TAFA4: variants seen among roughly 807,000 people sequenced by gnomAD.
TAFA4 encodes the protein chemokine-like protein TAFA-4.
TAFA4 carries 20 observed loss-of-function variants against 21.1 expected under a neutral mutation model. That is an observed-to-expected ratio of 0.95 (90% CI 0.67 to 1.38). The LOEUF is 1.38. TAFA4 is among the 40% of genes most tolerant of loss of function. TAFA4 has a pLI of 0.00. For synonymous variants in TAFA4, 71 were observed against 67.4 expected, an observed-to-expected ratio of 1.05 and a Z score of -0.26; for missense variants, 211 against 180.9, an observed-to-expected ratio of 1.17 and a Z score of -0.95.
Position 68,733,033 on chromosome 3 carries a change from G to A in TAFA4, c.*109C>T. The A allele has an allele frequency of 6.9e-7, 1 of 1,443,102 alleles. No individual in the cohort carries two copies. Among genetic ancestry groups the A allele is most frequent in the Admixed American group, 1.8e-5 (1 of 55,258 alleles). The allele number at this position is 1,443,102 out of a possible 1,614,324, so 89.4% of individuals were successfully genotyped here. On this transcript the variant is annotated 3_prime_UTR_variant, in exon 6 of 6. Transcript: ENST00000295569. ...CACAGCTCACATATACAAATATGAAGTTGCTGAAATCCTAGACAATTTTCT... is the reference window on the plus strand; with the variant it reads ...CACAGCTCACATATACAAATATGAAATTGCTGAAATCCTAGACAATTTTCT...
intron 1 of TAFA4, among the ~76,000 whole-genome samples, chr3:68,906,421 C>T (rs528915356): frequency 3.9e-5 from 6 of 152,154 alleles, no homozygotes; most frequent in Non-Finnish European, 7.4e-5. Flanking sequence ...TTAGCACTAA[C>T]GATGTACCAA....
chr3:68,914,131 A>T (rs1235868418), intron 1 of TAFA4, among the ~76,000 whole-genome samples: 2 of 152,240 alleles, frequency 1.3e-5, no homozygotes, highest in East Asian at 1.9e-4. Context: ...TGAAAAAAAT[A>T]GATGTTCAAC....
intron 1 of TAFA4, among the ~76,000 whole-genome samples, chr3:68,920,859 T>C (rs1281987698): frequency 2.0e-5 from 3 of 152,128 alleles, no homozygotes; most frequent in African/African-American, 7.2e-5. Context: ...TAAAAGCAGA[T>C]ATTGTTCTTA....
intron 3 of TAFA4, among the ~76,000 whole-genome samples, chr3:68,858,036 G>A (rs894831891): frequency 2.0e-5 from 3 of 152,066 alleles, no homozygotes; most frequent in African/African-American, 7.2e-5. Context: ...GAGTGGCCCT[G>A]CTTTTCCTCC....
intron 1 of TAFA4, among the ~76,000 whole-genome samples, chr3:68,890,294 T>C (rs1222595227): frequency 6.6e-6 from 1 of 152,216 alleles, no homozygotes; most frequent in African/African-American, 2.4e-5. Flanking sequence ...TGGGAATTCT[T>C]TGTACTCTTC....
chr3:68,817,178 C>T (rs1703998631), intron 3 of TAFA4, among the ~76,000 whole-genome samples: 1 of 152,186 alleles, frequency 6.6e-6, no homozygotes, highest in Non-Finnish European at 1.5e-5. Flanking sequence ...ATACTAAATC[C>T]TTTATTGTCA....
At chr3:68,767,626 A>C (rs1702880235) in intron 3 of TAFA4, among the ~76,000 whole-genome samples, 1 of 152,038 alleles carries the variant, frequency 6.6e-6, no homozygotes, top group Non-Finnish European at 1.5e-5. Context: ...TGAACAGTGG[A>C]ATTTGGGACA....
intron 3 of TAFA4, among the ~76,000 whole-genome samples, chr3:68,856,333 T>G (rs138855020): frequency 1.3e-5 from 2 of 152,170 alleles, no homozygotes; most frequent in Non-Finnish European, 2.9e-5. Context: ...ATTTGTGTCA[T>G]TTTTAAATTA....
intron 5 of TAFA4, among the ~76,000 whole-genome samples, chr3:68,734,787 G>A (rs926302935): frequency 2.6e-5 from 4 of 152,054 alleles, no homozygotes; most frequent in African/African-American, 9.7e-5. Context: ...ACAGCCCAGT[G>A]GTTGACACAT....
Position 68,745,073 on chromosome 3 carries a change from A to G in TAFA4, c.287-5874T>C, listed in dbSNP as rs186390196. ...CTCAGAAATGACAGACGTAGAAGGA[A>G]ACACCACAATAATCAAAAGACACAT... is the stretch of plus-strand genomic sequence containing the variant. On this transcript the variant is annotated intron_variant, in intron 4 of 5. Transcript: ENST00000295569. 1.6e-4 allele frequency among the ~76,000 whole-genome samples: 24 copies of G among 152,330 alleles called. No homozygotes were observed. In the East Asian group the frequency reaches 4.6e-3, roughly 29 times the overall value.
intron 4 of TAFA4, among the ~76,000 whole-genome samples, chr3:68,751,477 T>G (rs1702556117): frequency 6.6e-6 from 1 of 152,186 alleles, no homozygotes; most frequent in Admixed American, 6.5e-5. Context: ...TGATGTGATT[T>G]GGATTCAATT....
At chr3:68,893,071 G>T (rs897443993) in intron 1 of TAFA4, among the ~76,000 whole-genome samples, 2 of 152,074 alleles carry the variant, frequency 1.3e-5, no homozygotes, top group African/African-American at 4.8e-5. Flanking sequence ...ACTGCAGAGG[G>T]TTTATTTCTT....
chr3:68,735,947 ATG>A (rs1702234100), intron 5 of TAFA4, among the ~76,000 whole-genome samples: 1 of 152,134 alleles, frequency 6.6e-6, no homozygotes, highest in Non-Finnish European at 1.5e-5. Flanking sequence ...CATCCTCACA[ATG>A]TGTGATGACC....
At chr3:68,846,665 A>G (rs11128099) in intron 3 of TAFA4, among the ~76,000 whole-genome samples, 69,984 of 151,950 alleles carry the variant, frequency 0.46, 16,710 homozygotes, top group African/African-American at 0.55. Flanking sequence ...TTTATCTACC[A>G]TTGGTCTTTG....
At chr3:68,869,458 C>T (rs1394996909) in intron 3 of TAFA4, among the ~76,000 whole-genome samples, 2 of 151,994 alleles carry the variant, frequency 1.3e-5, no homozygotes. Context: ...TAAACGTCCT[C>T]AACAAAACAC....
chr3:68,842,669 G>A (rs990139555), intron 3 of TAFA4, among the ~76,000 whole-genome samples: 11 of 152,184 alleles, frequency 7.2e-5, no homozygotes, highest in Middle Eastern at 3.4e-3. Context: ...GGGTTTTTAC[G>A]GTTTTAGGTC....
intron 3 of TAFA4, among the ~76,000 whole-genome samples, chr3:68,791,383 A>G (rs1334816563): frequency 6.6e-6 from 1 of 152,196 alleles, no homozygotes; most frequent in African/African-American, 2.4e-5. Context: ...AACTCAAGCC[A>G]AGGAATGCCT....
chr3:68,896,837 G>T (rs1158402184), intron 1 of TAFA4, among the ~76,000 whole-genome samples: 1 of 152,180 alleles, frequency 6.6e-6, no homozygotes, highest in African/African-American at 2.4e-5. Context: ...TAACTATAAG[G>T]TCCAAGTTTC....
At chr3:68,796,801 AC>A in intron 3 of TAFA4, among the ~76,000 whole-genome samples, 1 of 152,288 alleles carries the variant, frequency 6.6e-6, no homozygotes, top group Non-Finnish European at 1.5e-5. Context: ...GGAATCAAAC[AC>A]CCCAATTTAA....
Sources: gnomAD v4.1 joint callset for allele counts (sites outside exome capture counted in the v4.1 genomes callset) on GRCh38, gnomAD v4.1.1 for gene constraint, MANE v1.5 for transcripts, NCBI Gene and HGNC (gene_info 2026-07-23, HGNC 2026-07-21) for gene names.